The following GPM6A variants were observed in gnomAD, a reference collection of about 807,000 sequenced individuals.
GPM6A encodes the protein glycoprotein M6A, also known as neuronal membrane glycoprotein M6-a.
GPM6A carries 7 observed loss-of-function variants against 32.1 expected under a neutral mutation model. That is an observed-to-expected ratio of 0.22 (90% CI 0.12 to 0.41). GPM6A has a LOEUF of 0.41. GPM6A is among the 10% of genes least tolerant of loss of function. The pLI is 1.00. For missense variants in GPM6A, 235 were observed against 347.2 expected, an observed-to-expected ratio of 0.68 and a Z score of 2.57; for synonymous variants, 130 against 123.4, an observed-to-expected ratio of 1.05 and a Z score of -0.35.
intron 1 of GPM6A, among the ~76,000 whole-genome samples, chr4:175,859,780 C>T (rs1435564013): frequency 6.6e-6 from 1 of 151,994 alleles, no homozygotes; most frequent in Admixed American, 6.6e-5. Context: ...AAACTTCAAA[C>T]AGCTAGGAAC....
rs541833020 is a variant in GPM6A at position 175,904,827 on chromosome 4, C to T, written c.-22-92578G>A. Among the ~76,000 whole-genome samples the T allele has an allele frequency of 1.2e-4, 18 of 152,048 alleles. No homozygotes were observed. The South Asian group carries it at 2.7e-3, about 23-fold the overall frequency. On this transcript the variant is annotated intron_variant, in intron 1 of 7. Transcript: ENST00000280187. Reference sequence around the variant, plus strand: ...CTCATGTAAGATACATCAAAAGTAACCAAAGAAGTTATTTTCAGCATCTTC... The same window carrying T: ...CTCATGTAAGATACATCAAAAGTAATCAAAGAAGTTATTTTCAGCATCTTC...
chr4:175,636,258 C>CTGTATA (rs1553967459), intron 6 of GPM6A, among the ~76,000 whole-genome samples: 5 of 34,100 alleles, frequency 1.5e-4, no homozygotes, highest in African/African-American at 3.9e-4. Context: ...AGCATAATCA[C>CTGTATA]TGTATATATA....
chr4:175,633,368 A>G lies in GPM6A; in HGVS notation c.*1537T>C, dbSNP rs1740407654. ...CGGAATGCATAATCATGCCACAGAT[A>G]TCCCTAGTAGTACCCCCTACCTACT... On this transcript the variant is annotated 3_prime_UTR_variant, in exon 7 of 7. Coordinates refer to ENST00000393658, the MANE Select transcript of GPM6A (RefSeq NM_201591.3). The G allele has an allele frequency of 6.6e-6, 1 of 152,508 alleles. No homozygotes were observed. The highest frequency in any genetic ancestry group is 1.5e-5 in the Non-Finnish European group (1 of 67,950). The allele number at this position is 152,508 out of a possible 1,614,324, so 9.4% of individuals were successfully genotyped here. A position where few individuals can be genotyped will look rare whatever the true frequency, so the allele number is the denominator to read the frequency against.
intron 3 of GPM6A, among the ~76,000 whole-genome samples, chr4:175,663,945 G>A (rs780128287): frequency 1.3e-5 from 2 of 152,098 alleles, no homozygotes; most frequent in African/African-American, 4.8e-5. Context: ...GCCCACCTCA[G>A]CTTCCCAAGG....
chr4:175,977,049 C>G (rs892296529), intron 1 of GPM6A, among the ~76,000 whole-genome samples: 4 of 152,098 alleles, frequency 2.6e-5, no homozygotes, highest in Non-Finnish European at 4.4e-5. Flanking sequence ...TTAATAAACT[C>G]ATTCAAATAA....
chr4:175,803,782 T>C (rs17608113), intron 1 of GPM6A, among the ~76,000 whole-genome samples: 355 of 152,242 alleles, frequency 2.3e-3, no homozygotes, highest in Non-Finnish European at 3.8e-3. Context: ...TGATGGTCAA[T>C]TGAAAAACTC....
intron 1 of GPM6A, among the ~76,000 whole-genome samples, chr4:175,971,232 C>T (rs1740491966): frequency 6.6e-6 from 1 of 150,466 alleles, no homozygotes; most frequent in Non-Finnish European, 1.5e-5. Context: ...TGCTGCGCTC[C>T]TGGGAAACCT....
At chr4:175,947,980 T>C (rs34044173) in intron 1 of GPM6A, among the ~76,000 whole-genome samples, 15,642 of 152,192 alleles carry the variant, frequency 0.1, 867 homozygotes, top group South Asian at 0.24. Context: ...AAGCCCTACT[T>C]TTTTTCTATG....
intron 1 of GPM6A, among the ~76,000 whole-genome samples, chr4:175,886,485 A>G (rs1737459988): frequency 6.6e-6 from 1 of 152,164 alleles, no homozygotes; most frequent in Non-Finnish European, 1.5e-5. Flanking sequence ...ACAGAACCTT[A>G]CTGAAATAAC....
At chr4:175,722,312 G>A (rs1317562724) in intron 1 of GPM6A, among the ~76,000 whole-genome samples, 1 of 151,910 alleles carries the variant, frequency 6.6e-6, no homozygotes, top group Non-Finnish European at 1.5e-5. Context: ...ACAGACCACC[G>A]AAGAGAAAAA....
chr4:175,731,757 T>C (rs1047097515), intron 1 of GPM6A, among the ~76,000 whole-genome samples: 2 of 152,192 alleles, frequency 1.3e-5, no homozygotes, highest in African/African-American at 4.8e-5. Flanking sequence ...GGCGATAGCC[T>C]AGTCCTAGCA....
intron 1 of GPM6A, among the ~76,000 whole-genome samples, chr4:175,733,542 T>C (rs891798196): frequency 5.3e-5 from 8 of 152,078 alleles, no homozygotes; most frequent in Non-Finnish European, 1.2e-4. Context: ...TAAACTCAAT[T>C]GCCCTTTGTT....
intron 1 of GPM6A, among the ~76,000 whole-genome samples, chr4:175,805,647 G>GTCTT (rs1034263342): frequency 6.6e-6 from 1 of 152,130 alleles, no homozygotes; most frequent in Non-Finnish European, 1.5e-5. Flanking sequence ...GTAAGAAAGT[G>GTCTT]TCTTTCTTTC....
chr4:175,647,039 C>T (rs1414541439), intron 4 of GPM6A, among the ~76,000 whole-genome samples: 2 of 152,192 alleles, frequency 1.3e-5, no homozygotes, highest in Non-Finnish European at 2.9e-5. Flanking sequence ...CGAATCCCTG[C>T]TTTCAGCAAC....
At chr4:175,733,472 C>T (rs184932057) in intron 1 of GPM6A, among the ~76,000 whole-genome samples, 158 of 152,288 alleles carry the variant, frequency 1.0e-3, no homozygotes, top group African/African-American at 3.6e-3. Flanking sequence ...CACTGCACTA[C>T]AGCCTAGGTG....
intron 4 of GPM6A, among the ~76,000 whole-genome samples, chr4:175,644,606 T>C (rs1222366064): frequency 6.6e-6 from 1 of 152,040 alleles, no homozygotes; most frequent in Non-Finnish European, 1.5e-5. Flanking sequence ...GCAGTGTAAA[T>C]TTGAAAACCT....
At chr4:175,812,439 AATTTCATTCAAATTACTC>A (rs772307406), upstream of GPM6A, 22 of 1,280,642 alleles carry the variant, frequency 1.7e-5, no homozygotes, top group Non-Finnish European at 2.2e-5. Flanking sequence ...TGTCAAGTGT[AATTTCATTCAAATTACTC>A]TTCCGTGAAG....
intron 1 of GPM6A, among the ~76,000 whole-genome samples, chr4:175,939,313 T>C (rs73871290): frequency 0.06 from 9,194 of 152,234 alleles, 875 homozygotes; most frequent in African/African-American, 0.21. Flanking sequence ...TTCAAATCTT[T>C]GTCTACAGTT....
chr4:175,999,483 G>C (rs988608482), intron 1 of GPM6A, among the ~76,000 whole-genome samples: 1 of 151,890 alleles, frequency 6.6e-6, no homozygotes, highest in African/African-American at 2.4e-5. Context: ...AACAATAAAA[G>C]GAAGAGATGC....
Sources: allele counts gnomAD v4.1 joint callset (sites outside exome capture counted in the v4.1 genomes callset), GRCh38; gene constraint gnomAD v4.1.1; transcripts MANE v1.5; gene names NCBI Gene and HGNC (gene_info 2026-07-23, HGNC 2026-07-21).